COL18A1: variants seen among roughly 807,000 people sequenced by gnomAD.
COL18A1 encodes collagen type XVIII alpha 1 chain.
A neutral mutation model predicts 168.0 loss-of-function variants in COL18A1; 133 were observed. That is an observed-to-expected ratio of 0.79 (90% CI 0.69 to 0.91). COL18A1 has a LOEUF of 0.91. COL18A1 is among the 40% of genes least tolerant of loss of function. The pLI, the probability that COL18A1 is intolerant of heterozygous loss-of-function variation, is 0.00. For synonymous variants in COL18A1, 949 were observed against 809.0 expected (o/e 1.17, Z -2.94); for missense variants, 2,126 against 1,925.4 (o/e 1.10, Z -1.95).
At chr21:45,454,754 G>A (rs534248316) in intron 2 of COL18A1, among the ~76,000 whole-genome samples, 2 of 152,372 alleles carry the variant, frequency 1.3e-5, no homozygotes, top group South Asian at 4.1e-4. Context: ...TCACATCCCT[G>A]TGGGTTACCG....
Position 45,476,921 on chromosome 21 carries a change from TTGTG to T in COL18A1, c.929-463_929-460del, listed in dbSNP as rs56196443. 9.9e-3 allele frequency among the ~76,000 whole-genome samples: 1,458 copies of T among 146,930 alleles called. 6 individuals carry two copies. The highest frequency in any genetic ancestry group is 0.02 in the African/African-American group (813 of 39,946). ...ATGTGTGTGATGTGTATTATGTGTT[TTGTG>T]TGTGTGTGTGTGTGTGTGTGTGTGT... On this transcript the variant is annotated intron_variant, in intron 6 of 41. Transcript: ENST00000651438.
chr21:45,480,276 T>C (rs2093505311), intron 11 of COL18A1, 120 bp downstream of exon 11: 2 of 1,188,914 alleles, frequency 1.7e-6, no homozygotes, highest in Non-Finnish European at 2.4e-6. Context: ...TTGGCTGAGC[T>C]GAGGGGTCAC....
chr21:45,512,576 A>C lies in COL18A1; in HGVS notation c.*178A>C. On this transcript the variant is annotated 3_prime_UTR_variant, in exon 42 of 42. Transcript: ENST00000651438. The stretch of plus-strand genomic sequence containing the variant: ...AGGAAGCCAAAGAGTGTATTTTTTT[A>C]AAAGTTTAAAACAGAAGCCTGATGC... 1.5e-6 allele frequency: 1 copy of C among 659,984 alleles called. No homozygotes were observed. The highest frequency in any genetic ancestry group is 2.6e-6 in the Non-Finnish European group (1 of 388,004). The allele number at this position is 659,984 out of a possible 1,614,324, so 40.9% of individuals were successfully genotyped here.
chr21:45,505,247 G>A lies in COL18A1; in HGVS notation c.2982G>A (p.Gly994=), dbSNP rs367651350. The A allele has an allele frequency of 3.2e-6, 5 of 1,574,256 alleles. No homozygotes were observed. Among genetic ancestry groups the A allele is most frequent in the African/African-American group, 3.0e-5 (2 of 66,436 alleles). ...CTCCCGGCCCCCCAGGCCCCCCAGG[G>A]CCCCCTTCATTTCCTGGCCCTCACA... is the stretch of plus-strand genomic sequence containing the variant. ...QGPPGPPGPP[G]PPSFPGPHRQ... The change falls in exon 35 of 42, where the codon GGG becomes GGA. Residue 994 remains glycine (G), a synonymous_variant. Coordinates refer to ENST00000651438, the MANE Select transcript of COL18A1 (RefSeq NM_001379500.1).
At chr21:45,495,592 A>G (rs2036501663) in intron 29 of COL18A1, 160 bp downstream of exon 29, 1 of 579,942 alleles carries the variant, frequency 1.7e-6, no homozygotes, top group Admixed American at 2.6e-5. Flanking sequence ...ATGCACAGTC[A>G]TACATGTCCA....
chr21:45,407,519 C>T (rs1041215268), intron 2 of COL18A1: 4 of 152,248 alleles, frequency 2.6e-5, no homozygotes, highest in Middle Eastern at 3.2e-3. Flanking sequence ...TGTGAGGTGC[C>T]GCAGTCTTAC....
At chr21:45,494,232 T>C (rs548211842) in intron 26 of COL18A1, 1 of 489,430 alleles carries the variant, frequency 2.0e-6, no homozygotes, top group African/African-American at 2.2e-5. Context: ...ACCAGGACAC[T>C]GCGTGGCACA....
rs200915085 is a variant in COL18A1, at chr21:45,441,395, TC to T, written c.107-26845del. ...CAGCACAGATGCCCAGGTAGAGTTTTCCTGTGTTAAATCATAAAACCCCCAC... is the reference window on the plus strand; with the variant it reads ...CAGCACAGATGCCCAGGTAGAGTTTTCTGTGTTAAATCATAAAACCCCCAC... On this transcript the variant is annotated intron_variant, in intron 2 of 41. Coordinates refer to ENST00000651438, the MANE Select transcript of COL18A1 (RefSeq NM_001379500.1). Among the ~76,000 whole-genome samples, 483 of 152,280 alleles carry T rather than the reference TC, an allele frequency of 3.2e-3. 1 individual carries two copies. The highest frequency in any genetic ancestry group is 6.8e-3 in the Middle Eastern group (2 of 294).
intron 32 of COL18A1, among the ~76,000 whole-genome samples, chr21:45,503,163 T>G (rs944172155): frequency 6.6e-6 from 1 of 152,222 alleles, no homozygotes; most frequent in Admixed American, 6.5e-5. Context: ...TCCACAATGG[T>G]TGAACTAGTT....
chr21:45,510,056 C>A lies in COL18A1; in HGVS notation c.3496-8C>A. 1.9e-6 allele frequency: 3 copies of A among 1,552,226 alleles called. No homozygotes were observed. Among genetic ancestry groups the A allele is most frequent in the Non-Finnish European group, 2.6e-6 (3 of 1,154,330 alleles). On this transcript the variant is annotated splice_region_variant and splice_polypyrimidine_tract_variant and intron_variant, in intron 39 of 41. Transcript: ENST00000651438. ...GACACAGCCCGTGACGCGCCCCTCT[C>A]CCCGCAGCTCCACCTGGTTGCGCTC... is the stretch of plus-strand genomic sequence containing the variant.
At chr21:45,453,022 C>T (rs561051254) in intron 2 of COL18A1, among the ~76,000 whole-genome samples, 10 of 147,660 alleles carry the variant, frequency 6.8e-5, no homozygotes, top group Admixed American at 1.3e-4. Flanking sequence ...TGTGTGATTG[C>T]GAGTATTCAT....
chr21:45,472,072 C>T (rs1473993679), intron 3 of COL18A1, among the ~76,000 whole-genome samples: 1 of 152,174 alleles, frequency 6.6e-6, no homozygotes, highest in Non-Finnish European at 1.5e-5. Flanking sequence ...GCTGTGGCCA[C>T]CTGTGGGGGG....
rs139777752 is a variant in COL18A1, at chr21:45,480,975, C to G, written c.1611+117C>G. Reference sequence around the variant, plus strand: ...GCCTCCCCAGTCCCCGCCTCCTCACCTCATCTCCTCTAGGAGCTGGCGGGC... The same window carrying G: ...GCCTCCCCAGTCCCCGCCTCCTCACGTCATCTCCTCTAGGAGCTGGCGGGC... On this transcript the variant is annotated intron_variant, in intron 13 of 41. Transcript: ENST00000651438. The G allele has an allele frequency of 2.2e-3, 3,163 of 1,414,066 alleles. 72 individuals carry two copies. The African/African-American group carries it at 0.039, about 17-fold the overall frequency. The allele number at this position is 1,414,066 out of a possible 1,614,324, so 87.6% of individuals were successfully genotyped here.
At chr21:45,456,849 A>T (rs1303266748) in intron 2 of COL18A1, 3 of 1,498,194 alleles carry the variant, frequency 2.0e-6, no homozygotes, top group East Asian at 2.5e-5. Flanking sequence ...ACCCAGGAGG[A>T]TGGGTACTGT....
rs1257574587 is a variant in COL18A1 at position 45,484,113 on chromosome 21, CACGCACACACACCTCTCCAGCGTATGT to C, written c.1701+1295_1701+1321del. Among the ~76,000 whole-genome samples the C allele has an allele frequency of 8.8e-3, 1,248 of 141,652 alleles. 228 individuals are homozygous for C. Among genetic ancestry groups the C allele is most frequent in the African/African-American group, 0.013 (468 of 35,862 alleles). 92.9% of individuals were successfully genotyped at this position (141,652 alleles called of 152,430 possible). A position where few individuals can be genotyped will look rare whatever the true frequency, so the allele number is the denominator to read the frequency against. On this transcript the variant is annotated intron_variant, in intron 15 of 41. Coordinates refer to ENST00000651438, the MANE Select transcript of COL18A1 (RefSeq NM_001379500.1). ...CACACACCTCTCCAGCATATGTGCA[CACGCACACACACCTCTCCAGCGTATGT>C]ACACACACACCTCTCCAGCATATGT...
At chr21:45,475,829 T>G (rs1199848860) in intron 5 of COL18A1, among the ~76,000 whole-genome samples, 2 of 152,240 alleles carry the variant, frequency 1.3e-5, no homozygotes, top group Non-Finnish European at 2.9e-5. Context: ...TGGCCTTCCC[T>G]TCGCCCCATC....
chr21:45,495,831 A>C, intron 29 of COL18A1: 1 of 330,932 alleles, frequency 3.0e-6, no homozygotes, highest in Non-Finnish European at 5.9e-6. Flanking sequence ...GTGCACACCC[A>C]TACAGGTATA....
intron 38 of COL18A1, 31 bp from the exon 39 acceptor site, chr21:45,509,325 C>A (rs764547226): frequency 1.9e-6 from 3 of 1,539,296 alleles, no homozygotes; most frequent in Non-Finnish European, 1.7e-6. Context: ...AGGGTCCCCC[C>A]GCCGACAGGC....
chr21:45,478,206 C>T (rs993749869), intron 8 of COL18A1, 121 bp from the exon 9 acceptor site: 6 of 1,340,612 alleles, frequency 4.5e-6, no homozygotes, highest in African/African-American at 4.3e-5. Context: ...GCGAGGACAT[C>T]GGGGGAAGGC....
Sources: gnomAD v4.1 joint callset for allele counts (sites outside exome capture counted in the v4.1 genomes callset) on GRCh38, gnomAD v4.1.1 for gene constraint, MANE v1.5 for transcripts, NCBI Gene and HGNC (gene_info 2026-07-23, HGNC 2026-07-21) for gene names.